The following ZNF581 variants were observed in gnomAD, a reference collection of about 807,000 sequenced individuals.
ZNF581 encodes zinc finger protein 581.
Under a neutral mutation model 1.2 loss-of-function variants are expected in ZNF581, and 1 was observed. That is an observed-to-expected ratio of 0.83 (90% CI 0.30 to 3.95). The LOEUF is 3.95. Ranked by LOEUF, ZNF581 falls within the 30% of genes most tolerant of loss-of-function variation. The pLI is 0.18. For missense variants in ZNF581, 273 were observed against 274.6 expected (o/e 0.99, Z 0.04); for synonymous variants, 105 against 109.2 (o/e 0.96, Z 0.24).
At chr19:55,641,398 A>G (rs1982462950), upstream of ZNF581, among the ~76,000 whole-genome samples, 1 of 152,144 alleles carries the variant, frequency 6.6e-6, no homozygotes, top group South Asian at 2.1e-4. Flanking sequence ...GGCGGTGTGT[A>G]GCGGGATGGG....
At chr19:55,636,138 T>C (rs537949847), upstream of ZNF581, among the ~76,000 whole-genome samples, 10 of 152,024 alleles carry the variant, frequency 6.6e-5, no homozygotes, top group East Asian at 1.7e-3. Context: ...GCCGGGAGAA[T>C]GTTATGCATG....
At chr19:55,637,136 TTG>T (rs913056605), upstream of ZNF581, among the ~76,000 whole-genome samples, 4 of 152,046 alleles carry the variant, frequency 2.6e-5, no homozygotes, top group Non-Finnish European at 5.9e-5. Flanking sequence ...ATCATTTTTT[TTG>T]GAGAGACAGG....
At chr19:55,636,712 T>C (rs1483272310), upstream of ZNF581, among the ~76,000 whole-genome samples, 2 of 151,762 alleles carry the variant, frequency 1.3e-5, no homozygotes, top group Non-Finnish European at 2.9e-5. Context: ...GTGAAGGAAA[T>C]GAACAGACGG....
At chr19:55,640,274 AG>A (rs1982371247), upstream of ZNF581, 1 of 985,348 alleles carries the variant, frequency 1.0e-6, no homozygotes, top group African/African-American at 1.7e-5. Flanking sequence ...TCGACGCCGG[AG>A]TCCTTCGCAT....
upstream of ZNF581, among the ~76,000 whole-genome samples, chr19:55,636,829 G>A (rs1267074704): frequency 6.6e-6 from 1 of 152,192 alleles, no homozygotes; most frequent in Non-Finnish European, 1.5e-5. Context: ...ACTCTTGTGA[G>A]GGGCTGAAAG....
At chr19:55,641,462 G>C (rs895696177), upstream of ZNF581, among the ~76,000 whole-genome samples, 2 of 152,338 alleles carry the variant, frequency 1.3e-5, no homozygotes, top group Admixed American at 1.3e-4. Flanking sequence ...CAGAGCAAAA[G>C]AACGGGCGGG....
upstream of ZNF581, among the ~76,000 whole-genome samples, chr19:55,639,727 C>T (rs1367196008): frequency 2.6e-5 from 4 of 152,154 alleles, no homozygotes; most frequent in South Asian, 6.2e-4. Context: ...AGCGATTCTC[C>T]TGCCTCAGCC....
upstream of ZNF581, chr19:55,640,270 C>G: frequency 3.0e-6 from 3 of 985,484 alleles, no homozygotes; most frequent in Non-Finnish European, 3.6e-6. Context: ...GCTTTCGACG[C>G]CGGAGTCCTT....
At position 55,645,067 on chromosome 19, in the gene ZNF581, G is replaced by A. The variant is rs1008458385; in HGVS notation, c.496G>A (p.Val166Met). ...GGGTGAGCTGGCCCAGCACAGCCGGGTGCACTCTGGGGAACGCCCGTTTCA... is the reference window on the plus strand; with the variant it reads ...GGGTGAGCTGGCCCAGCACAGCCGGATGCACTCTGGGGAACGCCCGTTTCA... ...DAGELAQHSR[V>M]HSGERPFQCP... is the part of the protein sequence containing the mutation. The change falls in exon 2 of 2, where the codon GTG (valine) becomes ATG (methionine). Residue 166 changes from valine to methionine, a missense_variant. Transcript: ENST00000270451. The A allele has an allele frequency of 1.9e-5, 30 of 1,567,342 alleles. No homozygotes were observed. The highest frequency in any genetic ancestry group is 2.5e-5 in the Non-Finnish European group (29 of 1,150,568).
At chr19:55,638,585 A>G (rs761657002), upstream of ZNF581, among the ~76,000 whole-genome samples, 2 of 152,008 alleles carry the variant, frequency 1.3e-5, no homozygotes, top group African/African-American at 4.8e-5. Flanking sequence ...GCGAGATCTC[A>G]CTCATTACCT....
chr19:55,645,498 C>T lies in ZNF581; in HGVS notation c.*333C>T, dbSNP rs531296293. The stretch of plus-strand genomic sequence containing the variant: ...GGCCTCATAAAAGGTGGCTGTGGGT[C>T]GTCAGGAATCTGCGCCATCTTCCTG... On this transcript the variant is annotated 3_prime_UTR_variant, in exon 2 of 2. Coordinates refer to ENST00000270451, the MANE Select transcript of ZNF581 (RefSeq NM_016535.4). 2.9e-5 allele frequency: 7 copies of T among 244,472 alleles called. No individual in the cohort carries two copies. The East Asian group carries it at 5.0e-4, about 18-fold the overall frequency. 15.1% of individuals were successfully genotyped at this position (244,472 alleles called of 1,614,324 possible). A position where few individuals can be genotyped will look rare whatever the true frequency, so the allele number is the denominator to read the frequency against.
chr19:55,635,292 C>CT (rs1348981747), upstream of ZNF581: 2 of 152,446 alleles, frequency 1.3e-5, no homozygotes, highest in East Asian at 3.9e-4. Flanking sequence ...CCCAGAGGCA[C>CT]AGGCCTGGGC....
chr19:55,644,656 C>A lies in ZNF581; in HGVS notation c.85C>A (p.Arg29Ser), dbSNP rs778892852. 6.2e-7 allele frequency: 1 copy of A among 1,611,560 alleles called. No homozygotes were observed. Among genetic ancestry groups the A allele is most frequent in the Admixed American group, 1.7e-5 (1 of 59,712 alleles). The change falls in exon 2 of 2, where the codon CGC becomes AGC. Residue 29 changes from arginine to serine, a missense_variant. Transcript: ENST00000270451. This position sits in a 1 kb window ranked among gnomAD's most constrained non-coding sequence, Gnocchi z 4.3. Reference protein sequence around the residue: ...TMEGPPRRTCRSPEPGPSSSI... With the variant: ...TMEGPPRRTCSSPEPGPSSSI... Reference sequence around the variant, plus strand: ...GGAGGGCCCTCCCCGTCGGACTTGCCGCTCCCCAGAACCTGGACCTTCCTC... The same window carrying A: ...GGAGGGCCCTCCCCGTCGGACTTGCAGCTCCCCAGAACCTGGACCTTCCTC...
upstream of ZNF581, chr19:55,642,451 A>G: frequency 7.2e-7 from 1 of 1,395,872 alleles, no homozygotes; most frequent in South Asian, 1.8e-5. Context: ...AACTTTTCCT[A>G]AAAGGAAGTG....
upstream of ZNF581, chr19:55,642,352 G>T: frequency 1.6e-6 from 2 of 1,273,216 alleles, no homozygotes; most frequent in East Asian, 6.3e-5. Context: ...AGCCGGGCTG[G>T]AGTCACAGTT....
Position 55,645,015 on chromosome 19 carries a change from G to C in ZNF581, c.444G>C (p.Pro148=), listed in dbSNP as rs748692484. The C allele has an allele frequency of 6.3e-7, 1 of 1,596,450 alleles. No homozygotes were observed. The highest frequency in any genetic ancestry group is 1.7e-5 in the Admixed American group (1 of 59,398). Residue 148 remains proline (P), a synonymous_variant, in exon 2 of 2, where the codon CCG becomes CCC. Transcript: ENST00000270451. Reference sequence around the variant, plus strand: ...GTGGTGGGCGGCCCCACGGCTGCCCGCTCTGCCCTCGCCGCTTCCGGGATG... The same window carrying C: ...GTGGTGGGCGGCCCCACGGCTGCCCCCTCTGCCCTCGCCGCTTCCGGGATG... The part of the protein sequence containing the change: ...LAGGGRPHGC[P]LCPRRFRDAG...
At chr19:55,643,049 G>T, upstream of ZNF581, 1 of 1,345,538 alleles carries the variant, frequency 7.4e-7, no homozygotes, top group Non-Finnish European at 9.6e-7. Flanking sequence ...GGCCTGTGCT[G>T]CCCTGCCCGT....
chr19:55,643,211 T>G, upstream of ZNF581: 4 of 1,093,128 alleles, frequency 3.7e-6, no homozygotes, highest in Non-Finnish European at 4.7e-6. Flanking sequence ...TCTAGCTGTG[T>G]GATGTAGACC....
In ZNF581 at chr19:55,644,410, G is replaced by A. The variant is rs375439027; in HGVS notation, c.-19-143G>A. 1.9e-5 allele frequency: 12 copies of A among 618,184 alleles called. No individual in the cohort carries two copies. The highest frequency in any genetic ancestry group is 3.8e-4 in the Middle Eastern group (1 of 2,630). The allele number at this position is 618,184 out of a possible 1,614,324, so 38.3% of individuals were successfully genotyped here. On this transcript the variant is annotated intron_variant, in intron 1 of 1. Transcript: ENST00000270451. The surrounding 1 kb of genome is among the most constrained non-coding windows in gnomAD (Gnocchi z 4.3). ...TTTTAGGGGGCCACAGACTCCAGCT[G>A]TGAGCGGGACTGGAAAAGAGGGACT...
Sources: allele counts gnomAD v4.1 joint callset (sites outside exome capture counted in the v4.1 genomes callset), GRCh38; gene constraint gnomAD v4.1.1; non-coding constraint Gnocchi (gnomAD v3.1); transcripts MANE v1.5; gene names NCBI Gene and HGNC (gene_info 2026-07-23, HGNC 2026-07-21).